The following ADAMTSL1 variants were observed in gnomAD, a reference collection of about 807,000 sequenced individuals.
ADAMTSL1 encodes the protein ADAMTS-like protein 1.
In ADAMTSL1, 126 loss-of-function variants were observed where a neutral mutation model predicts 201.8. That is an observed-to-expected ratio of 0.62 (90% CI 0.54 to 0.72). The LOEUF is 0.72. Ranked by LOEUF, ADAMTSL1 falls within the 30% of genes least tolerant of loss-of-function variation. The probability of loss-of-function intolerance (pLI) is 0.00; values close to 1 mark genes in which losing one functional copy is unlikely to be tolerated. For synonymous variants in ADAMTSL1, 1,121 were observed against 903.4 expected (o/e 1.24, Z -4.32); for missense variants, 2,679 against 2,277.8 (o/e 1.18, Z -3.59).
chr9:18,089,492 C>T (rs1823914110), intron 1 of ADAMTSL1, among the ~76,000 whole-genome samples: 1 of 152,078 alleles, frequency 6.6e-6, no homozygotes, highest in Non-Finnish European at 1.5e-5. Flanking sequence ...GGAGGGATAG[C>T]ATTAGGAGAA....
At chr9:18,782,302 A>G (rs1588101095) in intron 19 of ADAMTSL1, among the ~76,000 whole-genome samples, 1 of 152,198 alleles carries the variant, frequency 6.6e-6, no homozygotes, top group African/African-American at 2.4e-5. Flanking sequence ...TGCCAGGTAT[A>G]CATCGACTTG....
rs779210794 is a variant in ADAMTSL1 at position 18,895,467 on chromosome 9, C to T, written c.4851+2871C>T. Among the ~76,000 whole-genome samples the T allele has an allele frequency of 2.6e-4, 37 of 142,952 alleles. 1 individual carries two copies. Among genetic ancestry groups the T allele is most frequent in the Admixed American group, 1.2e-3 (17 of 13,726 alleles). The allele number at this position is 142,952 out of a possible 152,430, so 93.8% of individuals were successfully genotyped here. On this transcript the variant is annotated intron_variant, in intron 26 of 28. Transcript: ENST00000380548. Reference sequence around the variant, plus strand: ...TGTGGCATGGTTTTGATCTTAACAACGTGGCAGCCACTACTTGTGAAATCT... The same window carrying T: ...TGTGGCATGGTTTTGATCTTAACAATGTGGCAGCCACTACTTGTGAAATCT...
chr9:17,947,599 A>G (rs753178837), intron 1 of ADAMTSL1, among the ~76,000 whole-genome samples: 1 of 152,164 alleles, frequency 6.6e-6, no homozygotes, highest in Non-Finnish European at 1.5e-5. Flanking sequence ...ATTGTCCGCC[A>G]CTTAAGACAC....
rs1228737107 is a variant in ADAMTSL1 at position 18,634,898 on chromosome 9, A to AATATATAT, written c.602-1044_602-1037dup. Among the ~76,000 whole-genome samples the AATATATAT allele has an allele frequency of 3.7e-3, 470 of 126,852 alleles. 3 individuals carry two copies. The highest frequency in any genetic ancestry group is 0.014 in the African/African-American group (408 of 29,508). 83.2% of individuals were successfully genotyped at this position (126,852 alleles called of 152,430 possible). ...ATTTATATATATAAATATGTATGTAAATATATATTTAATATATATATATTA... is the reference window on the plus strand; with the variant it reads ...ATTTATATATATAAATATGTATGTAAATATATATATATATATTTAATATATATATATTA... On this transcript the variant is annotated intron_variant, in intron 5 of 28. Transcript: ENST00000380548.
chr9:18,740,235 G>T (rs759905916), intron 15 of ADAMTSL1, among the ~76,000 whole-genome samples: 1 of 152,042 alleles, frequency 6.6e-6, no homozygotes, highest in African/African-American at 2.4e-5. Flanking sequence ...AGCACTCAGC[G>T]GATTAGGGGA....
chr9:18,530,047 G>C (rs1411164377), intron 2 of ADAMTSL1, among the ~76,000 whole-genome samples: 1 of 152,134 alleles, frequency 6.6e-6, no homozygotes, highest in African/African-American at 2.4e-5. Flanking sequence ...AAATATCGGG[G>C]AAAAGGCTCA....
At chr9:18,834,002 A>C (rs994109195) in intron 23 of ADAMTSL1, among the ~76,000 whole-genome samples, 4 of 152,014 alleles carry the variant, frequency 2.6e-5, no homozygotes, top group Non-Finnish European at 4.4e-5. Context: ...GGTAGTAGGT[A>C]TATGGCCTTA....
chr9:18,422,945 G>A (rs1819030130), intron 2 of ADAMTSL1, among the ~76,000 whole-genome samples: 1 of 152,200 alleles, frequency 6.6e-6, no homozygotes, highest in African/African-American at 2.4e-5. Context: ...TTATCCAATA[G>A]TGTTAATTGC....
chr9:18,528,438 A>G lies in ADAMTSL1; in HGVS notation c.192-4809A>G, dbSNP rs1160953925. 3.3e-5 allele frequency among the ~76,000 whole-genome samples: 5 copies of G among 152,178 alleles called. No individual in the cohort carries two copies. In the East Asian group the frequency reaches 9.7e-4, roughly 30 times the overall value. On this transcript the variant is annotated intron_variant, in intron 2 of 28. Transcript: ENST00000380548. ...ACGTATACATGTGTTCTCATCATTC[A>G]GCTCCCGCTTGTAAGTGAGATTGAT...
intron 15 of ADAMTSL1, among the ~76,000 whole-genome samples, chr9:18,736,174 A>T (rs1818490954): frequency 6.6e-6 from 1 of 152,204 alleles, no homozygotes; most frequent in African/African-American, 2.4e-5. Flanking sequence ...TATGAAGTAG[A>T]GGCTGCTTTG....
chr9:18,626,628 T>C (rs2132703117), intron 5 of ADAMTSL1, among the ~76,000 whole-genome samples: 1 of 152,234 alleles, frequency 6.6e-6, no homozygotes, highest in Admixed American at 6.5e-5. Context: ...TGGGAAGTTG[T>C]TGGAGGATTT....
intron 6 of ADAMTSL1, among the ~76,000 whole-genome samples, chr9:18,636,612 G>A (rs1348687980): frequency 1.3e-5 from 2 of 152,136 alleles, no homozygotes; most frequent in Admixed American, 1.3e-4. Flanking sequence ...AGATCAAATG[G>A]CAGCATGGCT....
Position 18,684,725 on chromosome 9 carries a change from C to T in ADAMTSL1, c.1499C>T (p.Pro500Leu). Residue 500 changes from proline to leucine, a missense_variant, in exon 13 of 29, where the codon CCA becomes CTA. Transcript: ENST00000380548. The part of the protein sequence containing the change: ...TPCYKPKEKL[P>L]VEAKLPWFKQ... ...TGCACTGAATTCTCAGAGAAACTTC[C>T]AGTCGAGGCCAAGTTGCCATGGTTC... The T allele has an allele frequency of 2.5e-6, 4 of 1,612,842 alleles. No homozygotes were observed. Among genetic ancestry groups the T allele is most frequent in the Non-Finnish European group, 2.5e-6 (3 of 1,179,572 alleles).
chr9:18,306,144 C>T (rs1833900329), intron 2 of ADAMTSL1, among the ~76,000 whole-genome samples: 1 of 152,116 alleles, frequency 6.6e-6, no homozygotes, highest in Non-Finnish European at 1.5e-5. Flanking sequence ...GGAATAGCGT[C>T]AACATCAACA....
At chr9:18,176,130 T>C (rs1232975257) in intron 2 of ADAMTSL1, among the ~76,000 whole-genome samples, 2 of 151,740 alleles carry the variant, frequency 1.3e-5, no homozygotes, top group African/African-American at 4.8e-5. Context: ...GTTTCAAGAA[T>C]GTTGTCAATT....
At chr9:18,409,400 AAAAAGAAAAAG>A (rs1818338562) in intron 2 of ADAMTSL1, among the ~76,000 whole-genome samples, 2 of 150,642 alleles carry the variant, frequency 1.3e-5, no homozygotes, top group South Asian at 2.1e-4. Flanking sequence ...AAAAAAAAAA[AAAAAGAAAAAG>A]AAAAGAAAAA....
chr9:18,300,276 G>C (rs200300030), intron 2 of ADAMTSL1, among the ~76,000 whole-genome samples: 1 of 152,124 alleles, frequency 6.6e-6, no homozygotes, highest in Admixed American at 6.5e-5. Flanking sequence ...GAATACTATG[G>C]AGCCATAAAA....
At chr9:18,289,176 C>CAT (rs1563861628) in intron 2 of ADAMTSL1, among the ~76,000 whole-genome samples, 2 of 43,186 alleles carry the variant, frequency 4.6e-5, no homozygotes, top group African/African-American at 1.4e-4. Flanking sequence ...TATCTATCTA[C>CAT]CTACCTATCT....
chr9:17,943,737 C>T (rs186857600), intron 1 of ADAMTSL1, among the ~76,000 whole-genome samples: 28 of 152,102 alleles, frequency 1.8e-4, no homozygotes, highest in Admixed American at 1.1e-3. Context: ...CTGTATTAGG[C>T]TTTTCTTGCA....
Sources: gnomAD v4.1 joint callset for allele counts (sites outside exome capture counted in the v4.1 genomes callset) on GRCh38, gnomAD v4.1.1 for gene constraint, MANE v1.5 for transcripts, NCBI Gene and HGNC (gene_info 2026-07-23, HGNC 2026-07-21) for gene names.